The following RAP1GAP2 variants were observed in gnomAD, a reference collection of about 807,000 sequenced individuals.
RAP1GAP2 encodes RAP1 GTPase activating protein 2.
Under a neutral mutation model 95.0 loss-of-function variants are expected in RAP1GAP2, and 27 were observed. The observed-to-expected ratio is 0.28, with a 90% CI of 0.21 to 0.39. The LOEUF is 0.39. RAP1GAP2 is among the 10% of genes least tolerant of loss of function. RAP1GAP2 has a pLI of 1.00. For missense variants in RAP1GAP2, 771 were observed against 970.0 expected (o/e 0.79, Z 2.72); for synonymous variants, 373 against 380.9 (o/e 0.98, Z 0.24).
chr17:3,006,078 G>C, intron 16 of RAP1GAP2, 37 bp downstream of exon 16: 1 of 1,545,342 alleles, frequency 6.5e-7, no homozygotes, highest in East Asian at 2.3e-5. Context: ...CCTCCTGACT[G>C]CTGGGCCACC....
intron 2 of RAP1GAP2, among the ~76,000 whole-genome samples, chr17:2,881,825 ATTTG>A (rs894313066): frequency 6.1e-5 from 9 of 147,766 alleles, no homozygotes; most frequent in African/African-American, 1.8e-4. Context: ...GCTTTTTTTT[ATTTG>A]TTTGTTTTTG....
chr17:2,881,561 T>A (rs1430193217), intron 2 of RAP1GAP2, among the ~76,000 whole-genome samples: 2 of 152,208 alleles, frequency 1.3e-5, no homozygotes, highest in African/African-American at 4.8e-5. Flanking sequence ...TCATGGACAT[T>A]TGTGTTTCTT....
chr17:2,922,831 T>C (rs1014920061), intron 3 of RAP1GAP2, among the ~76,000 whole-genome samples: 3 of 127,558 alleles, frequency 2.4e-5, no homozygotes, highest in Non-Finnish European at 5.1e-5. Context: ...TTTTTGTTTT[T>C]GTTTTTTTTT....
intron 11 of RAP1GAP2, among the ~76,000 whole-genome samples, chr17:2,988,825 G>A (rs2045646405): frequency 6.6e-6 from 1 of 152,186 alleles, no homozygotes; most frequent in Non-Finnish European, 1.5e-5. Context: ...ACTTTGGGAG[G>A]CCGAGGTGGG....
intron 2 of RAP1GAP2, among the ~76,000 whole-genome samples, chr17:2,848,505 T>C (rs981375915): frequency 1.9e-4 from 29 of 151,146 alleles, no homozygotes; most frequent in African/African-American, 6.6e-4. Context: ...TTCCTTCTTT[T>C]TTTTTTTTTA....
At chr17:2,911,468 A>G (rs543635174) in intron 3 of RAP1GAP2, among the ~76,000 whole-genome samples, 87 of 151,864 alleles carry the variant, frequency 5.7e-4, no homozygotes, top group Middle Eastern at 6.8e-3. Context: ...TCATGCCCCA[A>G]TGGATCAGCA....
At chr17:2,981,329 C>G (rs2045349029) in intron 10 of RAP1GAP2, 81 bp downstream of exon 10, 17 of 1,340,888 alleles carry the variant, frequency 1.3e-5, no homozygotes, top group Non-Finnish European at 1.8e-5. Flanking sequence ...GGGGAGTTCT[C>G]TGCATCATAG....
intron 2 of RAP1GAP2, among the ~76,000 whole-genome samples, chr17:2,864,931 C>A (rs9908991): frequency 0.18 from 26,766 of 152,118 alleles, 2,647 homozygotes; most frequent in African/African-American, 0.26. Context: ...ACTCGTGGAT[C>A]CCCGCTCTGG....
rs9914062 is a variant in RAP1GAP2, at chr17:3,001,529, A to G, written c.1200+3153A>G. Among the ~76,000 whole-genome samples, 158 of 91,558 alleles carry G rather than the reference A, an allele frequency of 1.7e-3. 8 individuals are homozygous for G. Among genetic ancestry groups the G allele is most frequent in the South Asian group, 0.016 (48 of 2,950 alleles). 60.1% of individuals were successfully genotyped at this position (91,558 alleles called of 152,430 possible). A position where few individuals can be genotyped will look rare whatever the true frequency, so the allele number is the denominator to read the frequency against. On this transcript the variant is annotated intron_variant, in intron 14 of 24. Transcript: ENST00000254695. ...GGGCCTTCCTGATGCCGGAGAAGGG[A>G]CAGAAGAAGCAGGGAGTGCAGGTCC... is the stretch of plus-strand genomic sequence containing the variant.
At position 3,026,941 on chromosome 17, in the gene RAP1GAP2, C is replaced by T; in HGVS notation, c.1981-3C>T. On this transcript the variant is annotated splice_region_variant and splice_polypyrimidine_tract_variant and intron_variant, in intron 21 of 24. Coordinates refer to ENST00000254695, the MANE Select transcript of RAP1GAP2 (RefSeq NM_015085.5). ...GCCTCGCTCACCCTGCCTCTCTCCT[C>T]AGGGCAGCCAGCCGTCCACGACCTC... The T allele has an allele frequency of 3.9e-6, 6 of 1,550,978 alleles. No individual in the cohort carries two copies. Among genetic ancestry groups the T allele is most frequent in the Middle Eastern group, 1.7e-4 (1 of 5,982 alleles).
chr17:2,812,986 G>A lies in RAP1GAP2; in HGVS notation c.80+12436G>A, dbSNP rs1359142861. ...GCCTGGGTAACAAGAGTGAAACTCC[G>A]TCTCAAAAAAAAAAAAAAATTCTGA... On this transcript the variant is annotated intron_variant, in intron 2 of 24. Coordinates refer to ENST00000254695, the MANE Select transcript of RAP1GAP2 (RefSeq NM_015085.5). Among the ~76,000 whole-genome samples, 49 of 92,512 alleles carry A rather than the reference G, an allele frequency of 5.3e-4. No individual in the cohort carries two copies. The East Asian group carries it at 0.01, about 19-fold the overall frequency. The allele number at this position is 92,512 out of a possible 152,430, so 60.7% of individuals were successfully genotyped here.
chr17:2,868,516 ATTTT>A (rs71153307), intron 2 of RAP1GAP2, among the ~76,000 whole-genome samples: 2 of 122,826 alleles, frequency 1.6e-5, no homozygotes, highest in Admixed American at 8.7e-5. Context: ...ACCAGGTGCA[ATTTT>A]TTTTTTTTTT....
intron 2 of RAP1GAP2, among the ~76,000 whole-genome samples, chr17:2,810,431 TAC>T (rs1380538750): frequency 6.6e-6 from 1 of 151,398 alleles, no homozygotes; most frequent in African/African-American, 2.4e-5. Context: ...TACATATGTA[TAC>T]ATGTGCCATG....
intron 17 of RAP1GAP2, among the ~76,000 whole-genome samples, chr17:3,011,693 C>T (rs2046553822): frequency 6.9e-6 from 1 of 145,688 alleles, no homozygotes; most frequent in African/African-American, 2.5e-5. Flanking sequence ...GACCTCGGCT[C>T]ACTGCAACCT....
intron 1 of RAP1GAP2, among the ~76,000 whole-genome samples, chr17:2,783,314 G>A (rs978911026): frequency 6.6e-6 from 1 of 152,126 alleles, no homozygotes; most frequent in African/African-American, 2.4e-5. Flanking sequence ...GTAAATACCT[G>A]CATAAAGGTA....
chr17:2,780,076 G>T (rs1314242761), intron 1 of RAP1GAP2, among the ~76,000 whole-genome samples: 1 of 152,106 alleles, frequency 6.6e-6, no homozygotes. Context: ...TTGAGATGGA[G>T]TTTCGCTCTT....
chr17:2,862,790 G>A (rs1256172539), intron 2 of RAP1GAP2, among the ~76,000 whole-genome samples: 1 of 152,044 alleles, frequency 6.6e-6, no homozygotes, highest in Non-Finnish European at 1.5e-5. Flanking sequence ...TCAAGGCTGG[G>A]AGTTCGAGAC....
chr17:3,031,921 A>G (rs2047321603), intron 23 of RAP1GAP2, among the ~76,000 whole-genome samples: 1 of 147,058 alleles, frequency 6.8e-6, no homozygotes. Flanking sequence ...TGAGCTCACC[A>G]GACTATCGAG....
At chr17:2,769,927 G>A (rs192214643) in intron 1 of RAP1GAP2, among the ~76,000 whole-genome samples, 1 of 152,032 alleles carries the variant, frequency 6.6e-6, no homozygotes, top group Admixed American at 6.6e-5. Context: ...ACAAAAATTA[G>A]CGAGGCGTGG....
Sources: allele counts gnomAD v4.1 joint callset (sites outside exome capture counted in the v4.1 genomes callset), GRCh38; gene constraint gnomAD v4.1.1; transcripts MANE v1.5; gene names NCBI Gene and HGNC (gene_info 2026-07-23, HGNC 2026-07-21).